The following TRPM4 variants were observed in gnomAD, a reference collection of about 807,000 sequenced individuals.
TRPM4 encodes calcium-activated non-selective cation channel 1.
In TRPM4, 124 loss-of-function variants were observed where a neutral mutation model predicts 135.6. That is an observed-to-expected ratio of 0.91 (90% CI 0.79 to 1.06). The LOEUF is 1.06. TRPM4 is among the 50% of genes least tolerant of loss of function. TRPM4 has a pLI of 0.00. For missense variants in TRPM4, 1,658 were observed against 1,671.4 expected, an observed-to-expected ratio of 0.99 and a Z score of 0.14; for synonymous variants, 745 against 705.6, an observed-to-expected ratio of 1.06 and a Z score of -0.88.
chr19:49,197,325 TTTC>T (rs1392828683), intron 17 of TRPM4, among the ~76,000 whole-genome samples: 13 of 121,616 alleles, frequency 1.1e-4, no homozygotes, highest in African/African-American at 5.4e-4. Flanking sequence ...TCTTTCTTTC[TTTC>T]TTTCTTTCTT....
At chr19:49,164,351 C>CTTTTT (rs1967085459) in intron 2 of TRPM4, among the ~76,000 whole-genome samples, 2 of 96,306 alleles carry the variant, frequency 2.1e-5, no homozygotes, top group Admixed American at 1.4e-4. Context: ...TCCCTCCTTC[C>CTTTTT]TTTCTTTCCT....
chr19:49,202,973 C>T (rs1568491577), intron 20 of TRPM4, among the ~76,000 whole-genome samples: 3 of 148,010 alleles, frequency 2.0e-5, no homozygotes, highest in South Asian at 2.1e-4. Flanking sequence ...TCACTACAAG[C>T]TCCGCCACCC....
At position 49,188,499 on chromosome 19, in the gene TRPM4, A is replaced by T; in HGVS notation, c.1744-142A>T. 4.1e-6 allele frequency: 5 copies of T among 1,216,082 alleles called. No homozygotes were observed. In the South Asian group the frequency reaches 6.3e-5, roughly 15 times the overall value. The allele number at this position is 1,216,082 out of a possible 1,614,324, so 75.3% of individuals were successfully genotyped here. On this transcript the variant is annotated intron_variant, in intron 12 of 24. Coordinates refer to ENST00000252826, the MANE Select transcript of TRPM4 (RefSeq NM_017636.4). ...CTGACTTTCAGTTTCTTCCAGATCC[A>T]TCTCCAAACATTACTTCATCCTTGG... is the stretch of plus-strand genomic sequence containing the variant.
Position 49,210,448 on chromosome 19 carries a change from C to T in TRPM4, c.3328+43C>T, listed in dbSNP as rs1324630401. The T allele has an allele frequency of 5.0e-6, 8 of 1,600,134 alleles. No homozygotes were observed. The highest frequency in any genetic ancestry group is 3.4e-6 in the Non-Finnish European group (4 of 1,174,270). ...CTTAAAAAGGAGAAATATAGGGGAC[C>T]GGGAGCCTGGAAGGCGAGGGGAAGG... On this transcript the variant is annotated intron_variant, in intron 21 of 24. Transcript: ENST00000252826. This position sits in a 1 kb window ranked among gnomAD's most constrained non-coding sequence, Gnocchi z 4.1.
At chr19:49,191,973 A>G (rs1968428833) in intron 16 of TRPM4, among the ~76,000 whole-genome samples, 1 of 152,210 alleles carries the variant, frequency 6.6e-6, no homozygotes, top group Non-Finnish European at 1.5e-5. Context: ...TCTTCATGCT[A>G]CACATACTTC....
chr19:49,187,201 T>TA, intron 12 of TRPM4, among the ~76,000 whole-genome samples: 1 of 152,082 alleles, frequency 6.6e-6, no homozygotes, highest in East Asian at 1.9e-4. Context: ...TCTTGTTTTT[T>TA]TTTTTTTATA....
In TRPM4 at chr19:49,183,231, C is replaced by G. The variant is rs771470369; in HGVS notation, c.1743+19C>G. 4.1e-5 allele frequency: 66 copies of G among 1,613,840 alleles called. No homozygotes were observed. Among genetic ancestry groups the G allele is most frequent in the Non-Finnish European group, 5.3e-5 (62 of 1,180,030 alleles). On this transcript the variant is annotated intron_variant, in intron 12 of 24. Coordinates refer to ENST00000252826, the MANE Select transcript of TRPM4 (RefSeq NM_017636.4). ...GGAGATGGTGAGTGCTGACTTGGCG[C>G]TCCTGCATCCCTGTCCTTTAGGCCA...
chr19:49,171,200 ATAAT>A lies in TRPM4; in HGVS notation c.797-153_797-150del, dbSNP rs2122830318. 6.6e-6 allele frequency among the ~76,000 whole-genome samples: 1 copy of A among 152,372 alleles called. No homozygotes were observed. The highest frequency in any genetic ancestry group is 2.1e-4 in the South Asian group (1 of 4,830). On this transcript the variant is annotated intron_variant, in intron 6 of 24. Coordinates refer to ENST00000252826, the MANE Select transcript of TRPM4 (RefSeq NM_017636.4). The surrounding 1 kb of genome is among the most constrained non-coding windows in gnomAD (Gnocchi z 4.7). ...AGACCCCCATTTCTAAAATAAATAC[ATAAT>A]TAAGTAAAAAAAGAAATGACAATTC... is the stretch of plus-strand genomic sequence containing the variant.
At position 49,211,244 on chromosome 19, in the gene TRPM4, AC is replaced by A; in HGVS notation, c.3620del (p.Pro1207LeufsTer26). The A allele has an allele frequency of 1.3e-6, 2 of 1,586,698 alleles. No individual in the cohort carries two copies. The highest frequency in any genetic ancestry group is 1.8e-5 in the Admixed American group (1 of 54,676). On this transcript the variant is annotated frameshift_variant, in exon 24 of 25. Coordinates refer to ENST00000252826, the MANE Select transcript of TRPM4 (RefSeq NM_017636.4). LOFTEE classifies it high-confidence loss of function. This position sits in a 1 kb window ranked among gnomAD's most constrained non-coding sequence, Gnocchi z 4.8. The part of the protein sequence containing the change: ...SALLPPGGPP[P>X]PDLPGSKD ...CCTTGCTGCCCCCAGGTGGGCCGCC[AC>A]CCCCTGACCTGCCTGGGTCCAAAGG... is the stretch of plus-strand genomic sequence containing the variant.
At chr19:49,166,288 G>T in intron 3 of TRPM4, 73 bp downstream of exon 3, 2 of 1,477,020 alleles carry the variant, frequency 1.4e-6, no homozygotes, top group Admixed American at 4.3e-5. Context: ...GTGGAGCCGG[G>T]ACGCCCGCCC....
At chr19:49,158,539 C>G in intron 2 of TRPM4, 1 of 477,734 alleles carries the variant, frequency 2.1e-6, no homozygotes, top group Middle Eastern at 5.7e-4. Context: ...TCTGTCTCTT[C>G]GTGTCACTTT....
intron 17 of TRPM4, among the ~76,000 whole-genome samples, chr19:49,199,922 T>A (rs1228406535): frequency 6.6e-6 from 1 of 152,232 alleles, no homozygotes; most frequent in Non-Finnish European, 1.5e-5. Context: ...CTCTGTGAAT[T>A]GTACGTGGTA....
intron 20 of TRPM4, among the ~76,000 whole-genome samples, chr19:49,206,211 G>A (rs893715348): frequency 2.6e-5 from 4 of 151,890 alleles, no homozygotes; most frequent in Admixed American, 6.6e-5. Context: ...GATCTGCCTC[G>A]GCTTTCCAAG....
intron 10 of TRPM4, among the ~76,000 whole-genome samples, chr19:49,182,057 T>TATCCATCC (rs753427789): frequency 0.054 from 7,049 of 130,116 alleles, 464 homozygotes; most frequent in African/African-American, 0.13. Context: ...TCCATCCATT[T>TATCCATCC]ATCCATCCAT....
intron 20 of TRPM4, among the ~76,000 whole-genome samples, chr19:49,204,841 C>T (rs931998548): frequency 3.3e-5 from 5 of 150,666 alleles, no homozygotes; most frequent in Admixed American, 6.6e-5. Flanking sequence ...GGATTACAGG[C>T]GTGAGCCACC....
At chr19:49,176,976 G>A (rs531176365) in intron 9 of TRPM4, among the ~76,000 whole-genome samples, 4 of 152,124 alleles carry the variant, frequency 2.6e-5, no homozygotes, top group Non-Finnish European at 5.9e-5. Flanking sequence ...TATCTTACAG[G>A]AGTGTTATAA....
intron 17 of TRPM4, 94 bp downstream of exon 17, chr19:49,196,968 T>A: frequency 7.7e-7 from 1 of 1,302,376 alleles, no homozygotes; most frequent in Non-Finnish European, 1.0e-6. Context: ...TCCCCGCAGC[T>A]GGGCAGCAGG....
chr19:49,158,564 T>C (rs1293153807), intron 2 of TRPM4: 1 of 414,106 alleles, frequency 2.4e-6, no homozygotes, highest in East Asian at 4.5e-5. Flanking sequence ...GTCTCTGTCT[T>C]TCCCTTTTGG....
At chr19:49,204,396 T>C (rs940705837) in intron 20 of TRPM4, among the ~76,000 whole-genome samples, 5 of 152,122 alleles carry the variant, frequency 3.3e-5, no homozygotes, top group African/African-American at 1.2e-4. Context: ...GGGTTTTAAT[T>C]TCTCCACATC....
Sources: gnomAD v4.1 joint callset for allele counts (sites outside exome capture counted in the v4.1 genomes callset) on GRCh38, gnomAD v4.1.1 for gene constraint, Gnocchi (gnomAD v3.1) non-coding constraint, MANE v1.5 for transcripts, NCBI Gene and HGNC (gene_info 2026-07-23, HGNC 2026-07-21) for gene names.